Variants in ITPA observed in about 807,000 individuals in gnomAD.
ITPA encodes the protein inosine triphosphatase, also known as inosine triphosphate pyrophosphatase.
ITPA carries 29 observed loss-of-function variants against 29.6 expected under a neutral mutation model. The observed-to-expected ratio is 0.98, with a 90% CI of 0.73 to 1.34. ITPA has a LOEUF of 1.34. ITPA is among the 40% of genes most tolerant of loss of function. ITPA has a pLI of 0.00. For synonymous variants in ITPA, 103 were observed against 99.3 expected (o/e 1.04, Z -0.22); for missense variants, 241 against 251.5 (o/e 0.96, Z 0.28).
intron 1 of ITPA, among the ~76,000 whole-genome samples, chr20:3,212,172 C>G (rs2067189792): frequency 6.8e-6 from 1 of 146,270 alleles, no homozygotes; most frequent in Non-Finnish European, 1.5e-5. Flanking sequence ...GACCCTCTCT[C>G]AAAAAAAAAT....
rs1415056655 is a variant in ITPA, at chr20:3,209,511, A to G, written c.-41A>G. ...CGGAAGTTTTCTGTCACTGGACGCC[A>G]AGGAGTTTTCGGTGGCTCAGCTGGG... On this transcript the variant is annotated 5_prime_UTR_variant, in exon 1 of 8. Coordinates refer to ENST00000380113, the MANE Select transcript of ITPA (RefSeq NM_033453.4). The surrounding 1 kb of genome is among the most constrained non-coding windows in gnomAD (Gnocchi z 4.6). The G allele has an allele frequency of 1.0e-5, 16 of 1,585,384 alleles. No individual in the cohort carries two copies. Among genetic ancestry groups the G allele is most frequent in the Non-Finnish European group, 1.4e-5 (16 of 1,154,544 alleles).
At position 3,218,725 on chromosome 20, in the gene ITPA, G is replaced by GA. The variant is rs1343872881; in HGVS notation, c.411+94dup. On this transcript the variant is annotated intron_variant, in intron 6 of 7. Transcript: ENST00000380113. ...CCCCGAGTCTGCGGGAGGGTGGTGGGAGGGGCGCCTTGGGGCCAGAGATAT... is the reference window on the plus strand; with the variant it reads ...CCCCGAGTCTGCGGGAGGGTGGTGGGAAGGGGCGCCTTGGGGCCAGAGATAT... The GA allele has an allele frequency of 5.2e-6, 5 of 956,960 alleles. 1 individual carries two copies. The highest frequency in any genetic ancestry group is 8.3e-6 in the Non-Finnish European group (5 of 604,444). The allele number at this position is 956,960 out of a possible 1,614,324, so 59.3% of individuals were successfully genotyped here.
chr20:3,206,756 G>A (rs1217586417), upstream of ITPA, among the ~76,000 whole-genome samples: 10 of 151,708 alleles, frequency 6.6e-5, no homozygotes, highest in African/African-American at 1.9e-4. Flanking sequence ...GTGGGGACCC[G>A]GGAGGCGGAG....
At chr20:3,216,147 C>T (rs1189250039) in intron 5 of ITPA, among the ~76,000 whole-genome samples, 6 of 144,776 alleles carry the variant, frequency 4.1e-5, no homozygotes, top group South Asian at 4.5e-4. Flanking sequence ...TGCGCCAGCA[C>T]GCTGGCTAAG....
Position 3,215,298 on chromosome 20 carries a change from A to C in ITPA, c.281A>C (p.Lys94Thr), listed in dbSNP as rs1432542709. 3 of 1,613,992 alleles carry C rather than the reference A, an allele frequency of 1.9e-6. No individual in the cohort carries two copies. In the South Asian group the frequency reaches 3.3e-5, roughly 18 times the overall value. The part of the protein sequence containing the change: ...PGPYIKWFLE[K>T]LKPEGLHQLL... ...TCTTGCAGAAAGTGGTTTCTGGAGA[A>C]GTTAAAGCCTGAAGGTATTATCTGC... is the stretch of plus-strand genomic sequence containing the variant. Residue 94 changes from lysine to threonine, a missense_variant, in exon 5 of 8, where the codon AAG becomes ACG. Physicochemically the swap from Lys to Thr is moderately conservative, Grantham distance 78. Transcript: ENST00000380113.
At chr20:3,212,973 T>G (rs529036027) in intron 1 of ITPA, among the ~76,000 whole-genome samples, 196 bp from the exon 2 acceptor site, 6 of 151,696 alleles carry the variant, frequency 4.0e-5, no homozygotes, top group Admixed American at 2.6e-4. Flanking sequence ...GTAGAAGAGA[T>G]AGAGAAGCAA....
chr20:3,220,930 G>A (rs1382210713), intron 6 of ITPA, among the ~76,000 whole-genome samples: 2 of 152,014 alleles, frequency 1.3e-5, no homozygotes, highest in Non-Finnish European at 2.9e-5. Context: ...TTTGTTTGGA[G>A]TGTTTGTCTC....
At chr20:3,209,434 C>A, upstream of ITPA, 2 of 990,518 alleles carry the variant, frequency 2.0e-6, no homozygotes, top group Non-Finnish European at 3.2e-6. This position sits in a 1 kb window ranked among gnomAD's most constrained non-coding sequence, Gnocchi z 4.6. Context: ...TCCGGGTCGG[C>A]TTTCCCCGGG....
Sources: gnomAD v4.1 joint callset for allele counts (sites outside exome capture counted in the v4.1 genomes callset) on GRCh38, gnomAD v4.1.1 for gene constraint, Gnocchi (gnomAD v3.1) non-coding constraint, MANE v1.5 for transcripts, NCBI Gene and HGNC (gene_info 2026-07-23, HGNC 2026-07-21) for gene names.